Variants in IL15 observed in about 807,000 individuals in gnomAD.
The protein encoded by IL15 is interleukin 15.
Under a neutral mutation model 19.6 loss-of-function variants are expected in IL15, and 11 were observed. The ratio of observed to expected loss-of-function variants is 0.56; its 90% CI spans 0.35 to 0.93. The LOEUF is 0.93. IL15 is among the 40% of genes least tolerant of loss of function. The probability of loss-of-function intolerance (pLI) is 0.01; values close to 1 mark genes in which losing one functional copy is unlikely to be tolerated. For missense variants in IL15, 197 were observed against 186.5 expected (o/e 1.06, Z -0.33); for synonymous variants, 58 against 59.6 (o/e 0.97, Z 0.12).
chr4:141,716,613 C>A (rs1729892604), intron 2 of IL15: 4 of 152,256 alleles, frequency 2.6e-5, no homozygotes, highest in Admixed American at 2.6e-4. Flanking sequence ...CACAGAGAGC[C>A]CCCAACAGGG....
chr4:141,702,268 C>G (rs1362509669), intron 2 of IL15, among the ~76,000 whole-genome samples: 1 of 152,196 alleles, frequency 6.6e-6, no homozygotes, highest in Non-Finnish European at 1.5e-5. Context: ...TGTTCTCTCC[C>G]TTCCCCTAAA....
At chr4:141,663,925 C>G (rs533009818) in intron 2 of IL15, among the ~76,000 whole-genome samples, 2 of 152,072 alleles carry the variant, frequency 1.3e-5, no homozygotes, top group Non-Finnish European at 2.9e-5. Context: ...GCTTCTGAGG[C>G]CTTCATTTTG....
chr4:141,663,469 A>G (rs78370193), intron 2 of IL15, among the ~76,000 whole-genome samples: 3,132 of 152,310 alleles, frequency 0.021, 111 homozygotes, highest in African/African-American at 0.071. Flanking sequence ...ATCCATTTTC[A>G]TACTGGTCTT....
chr4:141,671,209 ATTAC>A (rs1728166057), intron 2 of IL15, among the ~76,000 whole-genome samples: 1 of 152,190 alleles, frequency 6.6e-6, no homozygotes, highest in South Asian at 2.1e-4. Flanking sequence ...GGGAACACTT[ATTAC>A]TTAGGTAAAC....
intron 2 of IL15, among the ~76,000 whole-genome samples, chr4:141,702,781 C>G (rs1489317340): frequency 6.6e-6 from 1 of 152,174 alleles, no homozygotes; most frequent in East Asian, 1.9e-4. Context: ...GGGAATTATT[C>G]TGGTTTCTTA....
chr4:141,691,299 G>GA (rs1424873497), intron 2 of IL15, among the ~76,000 whole-genome samples: 1 of 152,124 alleles, frequency 6.6e-6, no homozygotes, highest in Non-Finnish European at 1.5e-5. Context: ...AATTCAAGAT[G>GA]AGATTTGAGT....
intron 2 of IL15, among the ~76,000 whole-genome samples, chr4:141,678,106 T>G (rs1728409877): frequency 6.6e-6 from 1 of 152,202 alleles, no homozygotes; most frequent in Admixed American, 6.5e-5. Context: ...ATAAATATAT[T>G]GCCTCAGAGG....
At chr4:141,696,766 T>C (rs1422889954) in intron 2 of IL15, among the ~76,000 whole-genome samples, 2 of 152,178 alleles carry the variant, frequency 1.3e-5, no homozygotes, top group African/African-American at 2.4e-5. Flanking sequence ...TGATTAGTGA[T>C]GTTGAGCATT....
At chr4:141,647,079 G>A (rs1727250068) in intron 1 of IL15, among the ~76,000 whole-genome samples, 1 of 152,084 alleles carries the variant, frequency 6.6e-6, no homozygotes, top group African/African-American at 2.4e-5. Flanking sequence ...TGATATACCA[G>A]TGTTCTATTT....
At chr4:141,673,610 A>G (rs1185346245) in intron 2 of IL15, among the ~76,000 whole-genome samples, 2 of 152,186 alleles carry the variant, frequency 1.3e-5, no homozygotes, top group Admixed American at 6.6e-5. Context: ...ATCAGATACA[A>G]GGTATTCGAC....
At chr4:141,655,408 G>A (rs1350190181) in intron 1 of IL15, among the ~76,000 whole-genome samples, 2 of 151,902 alleles carry the variant, frequency 1.3e-5, no homozygotes, top group African/African-American at 2.4e-5. Flanking sequence ...ATTGGTGGCT[G>A]TATGGGTGTA....
intron 2 of IL15, among the ~76,000 whole-genome samples, chr4:141,684,793 C>T (rs1005604150): frequency 6.6e-6 from 1 of 152,130 alleles, no homozygotes; most frequent in African/African-American, 2.4e-5. Context: ...TTCACAATAA[C>T]TCAACAAATA....
At chr4:141,638,685 C>T (rs1035765110) in intron 1 of IL15, among the ~76,000 whole-genome samples, 11 of 152,106 alleles carry the variant, frequency 7.2e-5, no homozygotes, top group African/African-American at 2.2e-4. Flanking sequence ...TAAGGTTTAT[C>T]GAAATAGATT....
chr4:141,645,276 C>G (rs909127520), intron 1 of IL15, among the ~76,000 whole-genome samples: 1 of 152,058 alleles, frequency 6.6e-6, no homozygotes, highest in Non-Finnish European at 1.5e-5. Context: ...TTTTTAGAAG[C>G]CTTTTGACTA....
In IL15 at chr4:141,732,978, CT is replaced by C; in HGVS notation, c.*132del. 1 of 1,384,022 alleles carries C rather than the reference CT, an allele frequency of 7.2e-7. No homozygotes were observed. Among genetic ancestry groups the C allele is most frequent in the Non-Finnish European group, 9.5e-7 (1 of 1,053,728 alleles). 85.7% of individuals were successfully genotyped at this position (1,384,022 alleles called of 1,614,324 possible). A position where few individuals can be genotyped will look rare whatever the true frequency, so the allele number is the denominator to read the frequency against. The stretch of plus-strand genomic sequence containing the variant: ...TTTTCTGTCAAGAAGATGATCAGAC[CT>C]TGGATCAGATGAACTCTTAGAAATG... On this transcript the variant is annotated 3_prime_UTR_variant, in exon 8 of 8. Transcript: ENST00000320650.
At chr4:141,642,279 G>A (rs1035674831) in intron 1 of IL15, among the ~76,000 whole-genome samples, 2 of 152,126 alleles carry the variant, frequency 1.3e-5, no homozygotes, top group African/African-American at 2.4e-5. Flanking sequence ...CCAGAAATCT[G>A]CCTGCTTTGG....
chr4:141,675,812 T>C (rs934257817), intron 2 of IL15, among the ~76,000 whole-genome samples: 3 of 152,184 alleles, frequency 2.0e-5, no homozygotes, highest in Non-Finnish European at 4.4e-5. Flanking sequence ...TGCAAAAACC[T>C]TGCACATTTT....
intron 2 of IL15, among the ~76,000 whole-genome samples, chr4:141,704,253 T>C (rs1729433332): frequency 6.6e-6 from 1 of 152,198 alleles, no homozygotes; most frequent in African/African-American, 2.4e-5. Flanking sequence ...GTTCTTCACA[T>C]GAAGGAATGT....
chr4:141,728,105 A>G, intron 6 of IL15, 121 bp downstream of exon 6: 1 of 573,338 alleles, frequency 1.7e-6, no homozygotes. Context: ...TTTCTATAAT[A>G]TATGGTCAAT....
Sources: allele counts gnomAD v4.1 joint callset (sites outside exome capture counted in the v4.1 genomes callset), GRCh38; gene constraint gnomAD v4.1.1; transcripts MANE v1.5; gene names NCBI Gene and HGNC (gene_info 2026-07-23, HGNC 2026-07-21).